The following ERICH3 variants were observed in gnomAD, a reference collection of about 807,000 sequenced individuals.
ERICH3 encodes the protein glutamate-rich protein 3.
ERICH3 carries 126 observed loss-of-function variants against 131.1 expected under a neutral mutation model. The observed-to-expected ratio is 0.96, with a 90% CI of 0.83 to 1.11. The LOEUF (loss-of-function observed/expected upper bound fraction) is 1.11, where lower values mean the gene tolerates loss of function less well. Ranked by LOEUF, ERICH3 falls within the 50% of genes most tolerant of loss-of-function variation. ERICH3 has a pLI of 0.00. For missense variants in ERICH3, 2,050 were observed against 1,810.7 expected, an observed-to-expected ratio of 1.13 and a Z score of -2.40; for synonymous variants, 695 against 644.6, an observed-to-expected ratio of 1.08 and a Z score of -1.18.
At chr1:74,611,377 C>A (rs1648687360) in intron 9 of ERICH3, among the ~76,000 whole-genome samples, 2 of 152,134 alleles carry the variant, frequency 1.3e-5, no homozygotes, top group South Asian at 4.1e-4. Context: ...GTAAGCTCTA[C>A]CTTTAAAATT....
At chr1:74,573,626 T>A in intron 13 of ERICH3, 135 bp from the exon 14 acceptor site, 1 of 1,060,748 alleles carries the variant, frequency 9.4e-7, no homozygotes, top group Non-Finnish European at 1.2e-6. Flanking sequence ...GTATTATATA[T>A]AAAACACTTT....
At position 74,572,020 on chromosome 1, in the gene ERICH3, A is replaced by T; in HGVS notation, c.3690T>A (p.Pro1230=). 1 of 1,614,088 alleles carries T rather than the reference A, an allele frequency of 6.2e-7. No individual in the cohort carries two copies. Among genetic ancestry groups the T allele is most frequent in the Non-Finnish European group, 8.5e-7 (1 of 1,180,026 alleles). Residue 1230 remains proline (P), a synonymous_variant, in exon 14 of 15, where the codon CCT becomes CCA. Transcript: ENST00000326665. ...EAEPAGKVQA[P]EGLIPATGQA... ...GGCCTGTGGCTGGGATCAGCCCCTC[A>T]GGGGCCTGCACCTTTCCTGCTGGCT...
intron 4 of ERICH3, among the ~76,000 whole-genome samples, chr1:74,642,516 A>T (rs1470429803): frequency 6.6e-6 from 1 of 152,130 alleles, no homozygotes; most frequent in African/African-American, 2.4e-5. Context: ...AGATATATTT[A>T]AAAAATAGAA....
At chr1:74,596,768 A>C (rs1174065986) in intron 11 of ERICH3, among the ~76,000 whole-genome samples, 1 of 152,074 alleles carries the variant, frequency 6.6e-6, no homozygotes, top group Non-Finnish European at 1.5e-5. Flanking sequence ...AGAGAAAAGG[A>C]AGCTGTCGTT....
At chr1:74,639,766 G>A (rs989021334) in intron 5 of ERICH3, among the ~76,000 whole-genome samples, 1 of 152,064 alleles carries the variant, frequency 6.6e-6, no homozygotes, top group Non-Finnish European at 1.5e-5. Context: ...CACTAACATT[G>A]TATTGGATGC....
upstream of ERICH3, among the ~76,000 whole-genome samples, chr1:74,674,083 C>A (rs545911480): frequency 6.6e-6 from 1 of 152,262 alleles, no homozygotes; most frequent in East Asian, 1.9e-4. Context: ...AGTGCTAAAA[C>A]AGCGATTGCA....
chr1:74,652,511 C>T (rs1275073046), intron 1 of ERICH3, among the ~76,000 whole-genome samples: 1 of 152,034 alleles, frequency 6.6e-6, no homozygotes, highest in Non-Finnish European at 1.5e-5. Flanking sequence ...TTTTCCTCTG[C>T]GTTCAGTGCT....
chr1:74,673,615 T>G lies in ERICH3; in HGVS notation c.-96A>C. The G allele has an allele frequency of 7.0e-7, 1 of 1,435,108 alleles. No homozygotes were observed. The allele number at this position is 1,435,108 out of a possible 1,614,324, so 88.9% of individuals were successfully genotyped here. On this transcript the variant is annotated 5_prime_UTR_variant, in exon 1 of 15. Transcript: ENST00000326665. ...CGCTGCGACAGTCGCGCTCGAGGGG[T>G]GGCTCCGCACCGAGGTCCCCTGTGC...
At chr1:74,668,639 A>G (rs1646713370) in intron 1 of ERICH3, among the ~76,000 whole-genome samples, 1 of 152,154 alleles carries the variant, frequency 6.6e-6, no homozygotes, top group Non-Finnish European at 1.5e-5. Context: ...ATTCCCATCT[A>G]CTTACATGAA....
At chr1:74,590,853 A>G (rs1405410602) in intron 11 of ERICH3, among the ~76,000 whole-genome samples, 1 of 152,164 alleles carries the variant, frequency 6.6e-6, no homozygotes, top group Non-Finnish European at 1.5e-5. Context: ...TTAACTATCA[A>G]CCATCCCTGT....
intron 4 of ERICH3, among the ~76,000 whole-genome samples, chr1:74,642,701 C>A (rs1646447145): frequency 6.6e-6 from 1 of 152,062 alleles, no homozygotes; most frequent in African/African-American, 2.4e-5. Context: ...CACTACCATC[C>A]ATTTTTACCT....
At chr1:74,588,560 C>T (rs1221870941) in intron 12 of ERICH3, among the ~76,000 whole-genome samples, 7 of 152,038 alleles carry the variant, frequency 4.6e-5, no homozygotes, top group Admixed American at 1.3e-4. Flanking sequence ...GCTTTTAAAA[C>T]GCAGCTGAAT....
chr1:74,580,519 A>G (rs1200684656), intron 12 of ERICH3, among the ~76,000 whole-genome samples: 3 of 152,222 alleles, frequency 2.0e-5, no homozygotes, highest in Non-Finnish European at 4.4e-5. Flanking sequence ...AAAAGGAGGT[A>G]TGATGAACAA....
chr1:74,572,247 G>T lies in ERICH3; in HGVS notation c.3463C>A (p.Pro1155Thr), dbSNP rs776845365. ...GEDSLKETVVPIFEATPGFEK... is the reference protein window; with the variant it reads ...GEDSLKETVVTIFEATPGFEK... ...AATCCAGGCGTTGCTTCAAATATGG[G>T]AACCACTGTCTCTTTTAGTGAATCT... Residue 1155 changes from proline (P) to threonine (T), a missense_variant, in exon 14 of 15, where the codon CCC (proline) becomes ACC (threonine). By Grantham distance (38) the Pro-to-Thr change is conservative. Coordinates refer to ENST00000326665, the MANE Select transcript of ERICH3 (RefSeq NM_001002912.5). 8 of 1,613,936 alleles carry T rather than the reference G, an allele frequency of 5.0e-6. No individual in the cohort carries two copies. Among genetic ancestry groups the T allele is most frequent in the Admixed American group, 3.3e-5 (2 of 59,996 alleles).
chr1:74,594,730 T>C (rs898641595), intron 11 of ERICH3, among the ~76,000 whole-genome samples: 1 of 152,152 alleles, frequency 6.6e-6, no homozygotes, highest in Non-Finnish European at 1.5e-5. Context: ...TGCCATACTC[T>C]TATTGCAATC....
Position 74,583,182 on chromosome 1 carries a change from A to T in ERICH3, c.2177-6246T>A, listed in dbSNP as rs1290277329. On this transcript the variant is annotated intron_variant, in intron 12 of 14. Coordinates refer to ENST00000326665, the MANE Select transcript of ERICH3 (RefSeq NM_001002912.5). Reference sequence around the variant, plus strand: ...GAAGGAAAGTTCAAGAAATCATCCAAGAGCTTCAATGTACTGTATATCTTG... The same window carrying T: ...GAAGGAAAGTTCAAGAAATCATCCATGAGCTTCAATGTACTGTATATCTTG... 3.3e-5 allele frequency among the ~76,000 whole-genome samples: 5 copies of T among 152,238 alleles called. No homozygotes were observed. The East Asian group carries it at 9.7e-4, about 29-fold the overall frequency.
chr1:74,575,168 C>T (rs1291983223), intron 13 of ERICH3, among the ~76,000 whole-genome samples: 2 of 152,182 alleles, frequency 1.3e-5, no homozygotes, highest in Non-Finnish European at 2.9e-5. Context: ...ACTGTCTTAC[C>T]ATTTCATTAC....
At chr1:74,628,604 G>T (rs770505290) in intron 7 of ERICH3, among the ~76,000 whole-genome samples, 5 of 151,906 alleles carry the variant, frequency 3.3e-5, no homozygotes, top group Admixed American at 1.3e-4. Flanking sequence ...AGTTTGGGGG[G>T]AGTCAAAGTT....
At position 74,569,167 on chromosome 1, in the gene ERICH3, G is replaced by A. The variant is rs1459451552; in HGVS notation, c.*1291C>T. 1 of 152,118 alleles carries A rather than the reference G, an allele frequency of 6.6e-6. No individual in the cohort carries two copies. The highest frequency in any genetic ancestry group is 1.9e-4 in the East Asian group (1 of 5,196). The allele number at this position is 152,118 out of a possible 1,614,324, so 9.4% of individuals were successfully genotyped here. On this transcript the variant is annotated 3_prime_UTR_variant, in exon 15 of 15. Coordinates refer to ENST00000326665, the MANE Select transcript of ERICH3 (RefSeq NM_001002912.5). ...GGTTCTCAACCTTGGCTACAGAGAA[G>A]AATCAAGTGAAAAGTTAAAAATATA... is the stretch of plus-strand genomic sequence containing the variant.
Sources: gnomAD v4.1 joint callset for allele counts (sites outside exome capture counted in the v4.1 genomes callset) on GRCh38, gnomAD v4.1.1 for gene constraint, MANE v1.5 for transcripts, NCBI Gene and HGNC (gene_info 2026-07-23, HGNC 2026-07-21) for gene names.